Variants in ESR1 observed in about 807,000 individuals in gnomAD.
The protein encoded by ESR1 is estrogen receptor 1.
Under a neutral mutation model 52.7 loss-of-function variants are expected in ESR1, and 12 were observed. The observed-to-expected ratio is 0.23, with a 90% CI of 0.15 to 0.37. The LOEUF is 0.37. Ranked by LOEUF, ESR1 falls within the 10% of genes least tolerant of loss-of-function variation. ESR1 has a pLI of 1.00. For missense variants in ESR1, 584 were observed against 779.7 expected, an observed-to-expected ratio of 0.75 and a Z score of 2.99; for synonymous variants, 305 against 316.8, an observed-to-expected ratio of 0.96 and a Z score of 0.39.
intron 4 of ESR1, among the ~76,000 whole-genome samples, chr6:151,968,036 T>A (rs1261427487): frequency 6.6e-6 from 1 of 152,180 alleles, no homozygotes; most frequent in Non-Finnish European, 1.5e-5. Flanking sequence ...GGGTTGTTTT[T>A]TTTTCTTGTA....
chr6:151,764,473 G>T (rs897883768), intron 2 of ESR1, among the ~76,000 whole-genome samples: 1 of 152,078 alleles, frequency 6.6e-6, no homozygotes, highest in Non-Finnish European at 1.5e-5. Context: ...TCTGCACTGC[G>T]CTTGTCAGGA....
In ESR1 at chr6:152,099,057, C is replaced by A. The variant is rs1356248965; in HGVS notation, c.*91C>A. On this transcript the variant is annotated 3_prime_UTR_variant, in exon 8 of 8. Coordinates refer to ENST00000206249, the MANE Select transcript of ESR1 (RefSeq NM_000125.4). The stretch of plus-strand genomic sequence containing the variant: ...TTAGCCAAATTCTGTCTCCTGCATA[C>A]ACTCCGGCATGCATCCAACACCAAT... The A allele has an allele frequency of 9.8e-7, 1 of 1,017,018 alleles. No individual in the cohort carries two copies. Among genetic ancestry groups the A allele is most frequent in the East Asian group, 2.5e-5 (1 of 39,392 alleles). 63.0% of individuals were successfully genotyped at this position (1,017,018 alleles called of 1,614,324 possible). A position where few individuals can be genotyped will look rare whatever the true frequency, so the allele number is the denominator to read the frequency against.
chr6:151,701,889 G>A (rs2115425302), exon 2 of ESR1: 1 of 152,292 alleles, frequency 6.6e-6, no homozygotes, highest in South Asian at 2.1e-4. Context: ...AAGAAAACTA[G>A]GAAGGAGTAA....
chr6:151,883,576 C>T (rs1020168930), intron 3 of ESR1, among the ~76,000 whole-genome samples: 1 of 151,942 alleles, frequency 6.6e-6, no homozygotes, highest in Non-Finnish European at 1.5e-5. Context: ...CCTCATTTAA[C>T]CTTAGTTACC....
chr6:151,852,035 G>T (rs73780881), intron 2 of ESR1, among the ~76,000 whole-genome samples: 10,480 of 152,244 alleles, frequency 0.069, 776 homozygotes, highest in East Asian at 0.24. Flanking sequence ...TTGCTTGAAG[G>T]TAATTAAATA....
chr6:151,901,092 G>A (rs1796601326), intron 3 of ESR1, among the ~76,000 whole-genome samples: 1 of 152,178 alleles, frequency 6.6e-6, no homozygotes, highest in Non-Finnish European at 1.5e-5. Context: ...TCTGAGCTCA[G>A]ACTCTCCTCG....
chr6:151,714,737 A>G (rs1421490955), intron 2 of ESR1, among the ~76,000 whole-genome samples: 1 of 151,984 alleles, frequency 6.6e-6, no homozygotes, highest in Non-Finnish European at 1.5e-5. Context: ...GTATCTTTGC[A>G]TGTGATATGG....
intron 3 of ESR1, among the ~76,000 whole-genome samples, chr6:151,896,765 G>A (rs534560213): frequency 6.0e-5 from 9 of 151,082 alleles, no homozygotes; most frequent in Admixed American, 4.6e-4. Context: ...TCCTTGATTT[G>A]TGACCTTAGA....
chr6:151,775,745 CAA>C (rs397954103), intron 2 of ESR1, among the ~76,000 whole-genome samples: 20 of 77,328 alleles, frequency 2.6e-4, no homozygotes, highest in South Asian at 4.2e-4. Context: ...GACTCCGTCT[CAA>C]AAAAAAAAAA....
In ESR1 at chr6:152,000,508, G is replaced by T. The variant is rs140760988; in HGVS notation, c.1097-11148G>T. ...TAATTAGCTTTTCCTGGAAAGGAGT[G>T]ATTCTGCCTTTTTTTAATTCTAGCA... is the stretch of plus-strand genomic sequence containing the variant. On this transcript the variant is annotated intron_variant, in intron 4 of 7. Coordinates refer to ENST00000206249, the MANE Select transcript of ESR1 (RefSeq NM_000125.4). Among the ~76,000 whole-genome samples the T allele has an allele frequency of 1.6e-3, 240 of 152,130 alleles. 5 individuals carry two copies. The highest frequency in any genetic ancestry group is 5.6e-3 in the African/African-American group (231 of 41,544).
rs1305085398 is a variant in ESR1, at chr6:151,980,914, G to A, written c.1097-30742G>A. 2.6e-5 allele frequency among the ~76,000 whole-genome samples: 4 copies of A among 152,292 alleles called. No individual in the cohort carries two copies. In the East Asian group the frequency reaches 7.7e-4, roughly 29 times the overall value. ...AGACAGGGTTTCAGCATATTGGCCAGGCTGGTCTCAAACTCCTGACCTTGT... is the reference window on the plus strand; with the variant it reads ...AGACAGGGTTTCAGCATATTGGCCAAGCTGGTCTCAAACTCCTGACCTTGT... On this transcript the variant is annotated intron_variant, in intron 4 of 7. Transcript: ENST00000206249.
intron 4 of ESR1, among the ~76,000 whole-genome samples, chr6:151,949,024 T>C (rs530891897): frequency 1.3e-5 from 2 of 152,328 alleles, no homozygotes; most frequent in Non-Finnish European, 2.9e-5. Context: ...AGCTCAATTT[T>C]CCCATAAACT....
At chr6:151,784,955 G>A (rs1249807581) in intron 2 of ESR1, among the ~76,000 whole-genome samples, 1 of 152,128 alleles carries the variant, frequency 6.6e-6, no homozygotes, top group African/African-American at 2.4e-5. Context: ...TTTCTTCTCT[G>A]GAAACTTCAG....
intron 4 of ESR1, among the ~76,000 whole-genome samples, chr6:151,951,796 A>G (rs572184007): frequency 2.0e-5 from 3 of 152,270 alleles, no homozygotes; most frequent in Non-Finnish European, 4.4e-5. Flanking sequence ...CTGCAAACAA[A>G]CTAGCCGTTT....
Position 151,842,649 on chromosome 6 carries a change from A to G in ESR1, c.505A>G (p.Asn169Asp), listed in dbSNP as rs1784485239. 6.2e-7 allele frequency: 1 copy of G among 1,613,872 alleles called. No individual in the cohort carries two copies. Among genetic ancestry groups the G allele is most frequent in the Non-Finnish European group, 8.5e-7 (1 of 1,179,908 alleles). The change falls in exon 2 of 8, where the codon AAT becomes GAT. Residue 169 changes from asparagine to aspartate, a missense_variant. This residue lies in a region of ESR1 where 251 missense variants were observed against 246.1 expected (regional missense o/e 1.02). Transcript: ENST00000206249. ...QGGRERLASTNDKGSMAMESA... is the reference protein window; with the variant it reads ...QGGRERLASTDDKGSMAMESA... ...TGGCAGAGAAAGATTGGCCAGTACC[A>G]ATGACAAGGGAAGTATGGCTATGGA...
At chr6:152,062,295 C>G (rs2047609464) in intron 6 of ESR1, among the ~76,000 whole-genome samples, 1 of 152,088 alleles carries the variant, frequency 6.6e-6, no homozygotes, top group South Asian at 2.1e-4. Flanking sequence ...GTGTTTTTGT[C>G]TCTTTCTGAT....
intron 5 of ESR1, among the ~76,000 whole-genome samples, chr6:152,016,281 A>G (rs1391398391): frequency 6.6e-6 from 1 of 152,140 alleles, no homozygotes; most frequent in Non-Finnish European, 1.5e-5. Flanking sequence ...TATTAGCAGC[A>G]TGAGAACAAA....
At chr6:152,083,649 A>G (rs35084216) in intron 6 of ESR1, among the ~76,000 whole-genome samples, 32,122 of 152,188 alleles carry the variant, frequency 0.21, 4,796 homozygotes, top group African/African-American at 0.41. Context: ...AAAGGAAACT[A>G]TCATCAGAGT....
At chr6:151,861,184 A>G (rs887461776) in intron 2 of ESR1, among the ~76,000 whole-genome samples, 1 of 152,124 alleles carries the variant, frequency 6.6e-6, no homozygotes. Flanking sequence ...TGCATTTTCC[A>G]TTCAGCCTGC....
Sources: gnomAD v4.1 joint callset for allele counts (sites outside exome capture counted in the v4.1 genomes callset) on GRCh38, gnomAD v4.1.1 for gene constraint, gnomAD v4.1.1 regional missense constraint, MANE v1.5 for transcripts, NCBI Gene and HGNC (gene_info 2026-07-23, HGNC 2026-07-21) for gene names.